The following RARG variants were observed in gnomAD, a reference collection of about 807,000 sequenced individuals.
RARG encodes RAR-gamma.
Under a neutral mutation model 43.7 loss-of-function variants are expected in RARG, and 17 were observed. That is an observed-to-expected ratio of 0.39 (90% CI 0.27 to 0.58). RARG has a LOEUF of 0.58. Among genes scored for constraint, RARG ranks in the 20% least tolerant of loss-of-function variants. The pLI is 0.57. For synonymous variants in RARG, 238 were observed against 236.4 expected (o/e 1.01, Z -0.06); for missense variants, 346 against 598.7 (o/e 0.58, Z 4.40).
rs944351118 is a variant in RARG, at chr12:53,227,148, G to A, written c.184+214C>T. On this transcript the variant is annotated intron_variant, in intron 3 of 9. Coordinates refer to ENST00000425354, the MANE Select transcript of RARG (RefSeq NM_000966.6). The surrounding 1 kb of genome is among the most constrained non-coding windows in gnomAD (Gnocchi z 4.3). ...GCTACCTCCCTATCCTATTTGACAG[G>A]AGAACTCTCATTTGCAAACACTTCC... Among the ~76,000 whole-genome samples the A allele has an allele frequency of 6.6e-6, 1 of 152,092 alleles. No individual in the cohort carries two copies. The highest frequency in any genetic ancestry group is 1.5e-5 in the Non-Finnish European group (1 of 68,018).
At chr12:53,228,226 G>C (rs1002291214) in intron 2 of RARG, among the ~76,000 whole-genome samples, 2 of 152,150 alleles carry the variant, frequency 1.3e-5, no homozygotes, top group African/African-American at 4.8e-5. Flanking sequence ...ACAGACTCTA[G>C]AGCCAGACTA....
rs903819953 is a variant in RARG at position 53,227,662 on chromosome 12, G to A, written c.-117C>T. 10 of 1,335,894 alleles carry A rather than the reference G, an allele frequency of 7.5e-6. No homozygotes were observed. The highest frequency in any genetic ancestry group is 9.6e-6 in the Non-Finnish European group (10 of 1,043,616). 82.8% of individuals were successfully genotyped at this position (1,335,894 alleles called of 1,614,324 possible). A position where few individuals can be genotyped will look rare whatever the true frequency, so the allele number is the denominator to read the frequency against. ...GGAGGCTCCGTACCCGCCCTGCCTG[G>A]CCTGCCCACTGGGCCTCCAAAAGTC... On this transcript the variant is annotated 5_prime_UTR_variant, in exon 3 of 10. Transcript: ENST00000425354. This position sits in a 1 kb window ranked among gnomAD's most constrained non-coding sequence, Gnocchi z 4.3.
chr12:53,214,143 C>T lies in RARG; in HGVS notation c.729G>A (p.Glu243=), dbSNP rs1164941925. ...LATKCIIKIV[E]FAKRLPGFTG... is the part of the protein sequence containing the mutation. ...TAAAGCCAGGCAACCGCTTGGCAAACTCCACGATCTTGATGATGCACTTGG... is the reference window on the plus strand; with the variant it reads ...TAAAGCCAGGCAACCGCTTGGCAAATTCCACGATCTTGATGATGCACTTGG... Residue 243 remains glutamate (E), a synonymous_variant, in exon 7 of 10, where the codon GAG becomes GAA. Coordinates refer to ENST00000425354, the MANE Select transcript of RARG (RefSeq NM_000966.6). The T allele has an allele frequency of 6.2e-7, 1 of 1,614,100 alleles. No homozygotes were observed. The highest frequency in any genetic ancestry group is 8.5e-7 in the Non-Finnish European group (1 of 1,179,988).
At chr12:53,224,168 GCTTGCCTCAGCAGCACGTGCTCC>G (rs1333036068) in intron 3 of RARG, among the ~76,000 whole-genome samples, 2 of 152,006 alleles carry the variant, frequency 1.3e-5, no homozygotes, top group African/African-American at 4.8e-5. Context: ...ACAGGCCTGT[GCTTGCCTCAGCAGCACGTGCTCC>G]CTGAGCCTCC....
At position 53,227,549 on chromosome 12, in the gene RARG, AG is replaced by A; in HGVS notation, c.-5del. 1 of 1,566,026 alleles carries A rather than the reference AG, an allele frequency of 6.4e-7. No homozygotes were observed. Among genetic ancestry groups the A allele is most frequent in the Non-Finnish European group, 8.7e-7 (1 of 1,155,946 alleles). On this transcript the variant is annotated 5_prime_UTR_variant, in exon 3 of 10. Coordinates refer to ENST00000425354, the MANE Select transcript of RARG (RefSeq NM_000966.6). The surrounding 1 kb of genome is among the most constrained non-coding windows in gnomAD (Gnocchi z 4.3). ...GTCGCTCCTTATTGGTGGCCATGGC[AG>A]CTGCGGTGTGAGAGTCCCCTGGGGT... is the stretch of plus-strand genomic sequence containing the variant.
intron 3 of RARG, among the ~76,000 whole-genome samples, chr12:53,217,074 G>A (rs1942793303): frequency 1.3e-5 from 2 of 152,218 alleles, no homozygotes; most frequent in South Asian, 4.1e-4. Flanking sequence ...CAGAAGGGCG[G>A]AAGGAATGCC....
intron 3 of RARG, among the ~76,000 whole-genome samples, chr12:53,218,391 A>G (rs554029762): frequency 1.4e-4 from 22 of 152,278 alleles, no homozygotes; most frequent in African/African-American, 5.1e-4. Context: ...GAAAAAAGAC[A>G]GGGTCTCTGC....
intron 3 of RARG, among the ~76,000 whole-genome samples, chr12:53,225,261 A>G (rs1159087424): frequency 6.6e-6 from 1 of 152,230 alleles, no homozygotes; most frequent in Non-Finnish European, 1.5e-5. Flanking sequence ...GTTGGACTAC[A>G]GACATGCCAC....
At chr12:53,225,325 C>T (rs977009271) in intron 3 of RARG, among the ~76,000 whole-genome samples, 1 of 152,222 alleles carries the variant, frequency 6.6e-6, no homozygotes, top group Non-Finnish European at 1.5e-5. Flanking sequence ...CAAAATCCCT[C>T]CTCACTCCTC....
chr12:53,225,511 GAC>G (rs1459317215), intron 3 of RARG, among the ~76,000 whole-genome samples: 1 of 152,158 alleles, frequency 6.6e-6, no homozygotes, highest in Non-Finnish European at 1.5e-5. Flanking sequence ...TTCACATACA[GAC>G]ACACAACCCT....
intron 3 of RARG, among the ~76,000 whole-genome samples, chr12:53,224,007 A>G (rs751266356): frequency 6.6e-6 from 1 of 151,670 alleles, no homozygotes. Context: ...CTTTCATCAC[A>G]CTCTGTTCCC....
intron 3 of RARG, among the ~76,000 whole-genome samples, chr12:53,217,737 C>T (rs1466979385): frequency 6.6e-6 from 1 of 152,162 alleles, no homozygotes; most frequent in Non-Finnish European, 1.5e-5. Context: ...AGGCAGGGGC[C>T]CCTGCTGGGG....
At position 53,215,986 on chromosome 12, in the gene RARG, GT is replaced by G. The variant is rs1942749581; in HGVS notation, c.185-193del. ...ATGACCACTATTACCACAGCTTGTT[GT>G]GACCCTAGTTCACCCTCTACCCTCC... On this transcript the variant is annotated intron_variant, in intron 3 of 9. Transcript: ENST00000425354. This position sits in a 1 kb window ranked among gnomAD's most constrained non-coding sequence, Gnocchi z 6.4. Among the ~76,000 whole-genome samples, 1 of 152,154 alleles carries G rather than the reference GT, an allele frequency of 6.6e-6. No homozygotes were observed. Among genetic ancestry groups the G allele is most frequent in the Non-Finnish European group, 1.5e-5 (1 of 68,038 alleles).
In RARG at chr12:53,213,840, A is replaced by T. The variant is rs147640597; in HGVS notation, c.814-140T>A. On this transcript the variant is annotated intron_variant, in intron 7 of 9. Transcript: ENST00000425354. The surrounding 1 kb of genome is among the most constrained non-coding windows in gnomAD (Gnocchi z 4.7). ...GGAGAAGGCAGAGGTGGAGGATCTG[A>T]GGCTTGGCAGGGGTAGTCCCGGGAA... 5 of 1,123,906 alleles carry T rather than the reference A, an allele frequency of 4.4e-6. No individual in the cohort carries two copies. The highest frequency in any genetic ancestry group is 4.5e-5 in the Admixed American group (2 of 44,558). 69.6% of individuals were successfully genotyped at this position (1,123,906 alleles called of 1,614,324 possible). A position where few individuals can be genotyped will look rare whatever the true frequency, so the allele number is the denominator to read the frequency against.
chr12:53,214,832 C>A, intron 5 of RARG: 1 of 503,842 alleles, frequency 2.0e-6, no homozygotes, highest in Non-Finnish European at 3.5e-6. Flanking sequence ...CCAGGCCATT[C>A]GGCTCCATCC....
rs911678502 is a variant in RARG, at chr12:53,227,145, C to T, written c.184+217G>A. Among the ~76,000 whole-genome samples, 3 of 93,568 alleles carry T rather than the reference C, an allele frequency of 3.2e-5. No individual in the cohort carries two copies. The highest frequency in any genetic ancestry group is 1.2e-4 in the African/African-American group (1 of 8,606). 61.4% of individuals were successfully genotyped at this position (93,568 alleles called of 152,430 possible). On this transcript the variant is annotated intron_variant, in intron 3 of 9. Coordinates refer to ENST00000425354, the MANE Select transcript of RARG (RefSeq NM_000966.6). This position sits in a 1 kb window ranked among gnomAD's most constrained non-coding sequence, Gnocchi z 4.3. Reference sequence around the variant, plus strand: ...CCTGCTACCTCCCTATCCTATTTGACAGGAGAACTCTCATTTGCAAACACT... The same window carrying T: ...CCTGCTACCTCCCTATCCTATTTGATAGGAGAACTCTCATTTGCAAACACT...
Position 53,215,786 on chromosome 12 carries a change from T to A in RARG, c.193A>T (p.Thr65Ser). 6.2e-7 allele frequency: 1 copy of A among 1,604,886 alleles called. No individual in the cohort carries two copies. The highest frequency in any genetic ancestry group is 2.2e-5 in the East Asian group (1 of 44,748). ...PKEMASLSVE[T>S]QSTSSEEMVP... ...ATCTCCTCTGAGCTGGTGCTCTGTG[T>A]CTCCACCGCTGGGAGGGAAGCAGTG... The change falls in exon 4 of 10, where the codon ACA becomes TCA. Residue 65 changes from threonine (T) to serine (S), a missense_variant. Thr to Ser is a moderately conservative substitution (Grantham distance 58, BLOSUM62 1). Around this residue, in one of 8 missense-constraint regions of RARG, gnomAD observed 90 missense variants for 93.2 expected, o/e 0.97. Coordinates refer to ENST00000425354, the MANE Select transcript of RARG (RefSeq NM_000966.6). The surrounding 1 kb of genome is among the most constrained non-coding windows in gnomAD (Gnocchi z 6.4).
At chr12:53,228,676 C>G (rs1265422969) in intron 2 of RARG, among the ~76,000 whole-genome samples, 3 of 152,128 alleles carry the variant, frequency 2.0e-5, no homozygotes, top group Non-Finnish European at 4.4e-5. Flanking sequence ...GCTGACTTTA[C>G]TTCTCTGCCT....
chr12:53,226,630 T>TA (rs1383150762), intron 3 of RARG, among the ~76,000 whole-genome samples: 106 of 146,202 alleles, frequency 7.3e-4, no homozygotes, highest in African/African-American at 2.7e-3. Context: ...TTTTTTTTTT[T>TA]AGACAGATTC....
Sources: allele counts gnomAD v4.1 joint callset (sites outside exome capture counted in the v4.1 genomes callset), GRCh38; gene constraint gnomAD v4.1.1; regional missense constraint gnomAD v4.1.1; non-coding constraint Gnocchi (gnomAD v3.1); transcripts MANE v1.5; gene names NCBI Gene and HGNC (gene_info 2026-07-23, HGNC 2026-07-21).